CYRIB: variants seen among roughly 807,000 people sequenced by gnomAD.
The protein encoded by CYRIB is CYFIP-related Rac1 interactor B.
CYRIB carries 8 observed loss-of-function variants against 44.2 expected under a neutral mutation model. The observed-to-expected ratio is 0.18, with a 90% CI of 0.11 to 0.33. CYRIB has a LOEUF of 0.33. Ranked by LOEUF, CYRIB falls within the 10% of genes least tolerant of loss-of-function variation. The pLI is 1.00. For missense variants in CYRIB, 185 were observed against 382.8 expected (o/e 0.48, Z 4.31); for synonymous variants, 131 against 127.2 (o/e 1.03, Z -0.20).
chr8:129,907,964 T>A (rs1240948818), intron 1 of CYRIB, among the ~76,000 whole-genome samples: 4 of 152,190 alleles, frequency 2.6e-5, no homozygotes, highest in Non-Finnish European at 5.9e-5. Context: ...ATCACACCAT[T>A]ACACTCCAGC....
chr8:129,847,118 C>A (rs1448422613), intron 10 of CYRIB: 3 of 346,458 alleles, frequency 8.7e-6, no homozygotes, highest in African/African-American at 4.3e-5. Flanking sequence ...CAATGAAAAA[C>A]AAACGGTTTG....
chr8:129,982,723 A>G (rs963996251), intron 1 of CYRIB, among the ~76,000 whole-genome samples: 4 of 152,224 alleles, frequency 2.6e-5, no homozygotes, highest in Non-Finnish European at 5.9e-5. Context: ...CAAATGCGAG[A>G]AAAATCTGAT....
chr8:130,014,013 C>T (rs529736401), intron 1 of CYRIB, among the ~76,000 whole-genome samples: 2 of 152,286 alleles, frequency 1.3e-5, no homozygotes, highest in African/African-American at 4.8e-5. Flanking sequence ...AAGACTTAGG[C>T]AAGGACCCTC....
chr8:129,855,500 C>T, intron 6 of CYRIB, 111 bp downstream of exon 8: 1 of 1,188,322 alleles, frequency 8.4e-7, no homozygotes, highest in Non-Finnish European at 1.2e-6. Context: ...TTATTAAGGT[C>T]TAGCAGACAT....
At chr8:129,919,325 T>C (rs1223000839) in intron 1 of CYRIB, among the ~76,000 whole-genome samples, 1 of 152,220 alleles carries the variant, frequency 6.6e-6, no homozygotes. Context: ...CTATGAAAAA[T>C]ACTTTTGTCA....
At chr8:129,987,565 TTTC>T (rs1255624744) in intron 1 of CYRIB, among the ~76,000 whole-genome samples, 6 of 63,798 alleles carry the variant, frequency 9.4e-5, no homozygotes, top group Admixed American at 5.1e-4. Flanking sequence ...TCTTTTTTTT[TTTC>T]TTTTTTTTTT....
At chr8:129,923,553 G>T in intron 1 of CYRIB, among the ~76,000 whole-genome samples, 1 of 152,192 alleles carries the variant, frequency 6.6e-6, no homozygotes, top group East Asian at 1.9e-4. Context: ...GGGATTACAG[G>T]TGTGAGTCAC....
intron 1 of CYRIB, among the ~76,000 whole-genome samples, chr8:129,998,367 G>A (rs1214286324): frequency 6.6e-6 from 1 of 152,166 alleles, no homozygotes; most frequent in African/African-American, 2.4e-5. Flanking sequence ...TGGCAAAGAT[G>A]TTGAGGAACC....
intron 1 of CYRIB, among the ~76,000 whole-genome samples, chr8:129,998,992 G>A (rs1055820652): frequency 3.3e-5 from 5 of 152,008 alleles, no homozygotes; most frequent in East Asian, 3.9e-4. Flanking sequence ...TTAATTCAGC[G>A]CCGACAATCC....
chr8:129,921,080 A>C (rs574730028), intron 1 of CYRIB, among the ~76,000 whole-genome samples: 1 of 152,354 alleles, frequency 6.6e-6, no homozygotes, highest in East Asian at 1.9e-4. Flanking sequence ...ACAGATCATC[A>C]ATATTTATTT....
At chr8:130,008,761 G>A (rs2097159142) in intron 1 of CYRIB, among the ~76,000 whole-genome samples, 1 of 152,196 alleles carries the variant, frequency 6.6e-6, no homozygotes, top group Admixed American at 6.5e-5. Context: ...CACACTGGTT[G>A]GTCTCTCGTG....
intron 2 of CYRIB, among the ~76,000 whole-genome samples, chr8:129,894,071 C>T (rs568018175): frequency 2.0e-4 from 31 of 152,254 alleles, no homozygotes; most frequent in African/African-American, 7.5e-4. Context: ...TTTATTCATT[C>T]CTCTACTGAT....
chr8:130,011,755 T>A (rs1288880912), intron 1 of CYRIB, among the ~76,000 whole-genome samples: 1 of 150,304 alleles, frequency 6.7e-6, no homozygotes, highest in South Asian at 2.1e-4. Flanking sequence ...ATGGCATGAA[T>A]CCGGGAGGCG....
intron 1 of CYRIB, among the ~76,000 whole-genome samples, chr8:130,016,098 C>T (rs1020455702): frequency 3.3e-5 from 5 of 149,312 alleles, no homozygotes; most frequent in Non-Finnish European, 7.5e-5. Flanking sequence ...CCCCGCTGCG[C>T]GCTCCCCTCG....
intron 1 of CYRIB, among the ~76,000 whole-genome samples, chr8:129,980,295 G>C (rs1161769192): frequency 1.3e-5 from 2 of 151,676 alleles, no homozygotes; most frequent in African/African-American, 4.8e-5. Context: ...CTATGTCCAA[G>C]TGACAAATCT....
intron 1 of CYRIB, among the ~76,000 whole-genome samples, chr8:129,987,270 G>A (rs1017635411): frequency 6.6e-6 from 1 of 152,176 alleles, no homozygotes; most frequent in Non-Finnish European, 1.5e-5. Context: ...CACAATAAAT[G>A]ATCTTTTCTA....
chr8:129,970,019 T>C (rs553581190), intron 2 of CYRIB, among the ~76,000 whole-genome samples: 14 of 152,320 alleles, frequency 9.2e-5, no homozygotes, highest in African/African-American at 3.4e-4. Context: ...TGCTTATCTC[T>C]GGGGCAACAC....
intron 11 of CYRIB, chr8:129,844,384 C>T (rs988535852): frequency 2.0e-5 from 3 of 152,100 alleles, no homozygotes; most frequent in East Asian, 1.9e-4. Flanking sequence ...ATCTAATATA[C>T]GTGAAAATAA....
exon 7 of CYRIB, chr8:129,854,284 C>T: frequency 6.2e-7 from 1 of 1,610,328 alleles, no homozygotes; most frequent in Non-Finnish European, 8.5e-7. Flanking sequence ...TGTTAATCCT[C>T]ATACGACTCA....
Sources: gnomAD v4.1 joint callset for allele counts (sites outside exome capture counted in the v4.1 genomes callset) on GRCh38, gnomAD v4.1.1 for gene constraint, MANE v1.5 for transcripts, NCBI Gene and HGNC (gene_info 2026-07-23, HGNC 2026-07-21) for gene names.